Variants in SLC7A2 observed in about 807,000 individuals in gnomAD.
The protein encoded by SLC7A2 is cationic amino acid transporter 2.
In SLC7A2, 48 loss-of-function variants were observed where a neutral mutation model predicts 58.9. That is an observed-to-expected ratio of 0.82 (90% CI 0.65 to 1.04). The LOEUF is 1.04. Ranked by LOEUF, SLC7A2 falls within the 50% of genes least tolerant of loss-of-function variation. SLC7A2 has a pLI of 0.00. For synonymous variants in SLC7A2, 363 were observed against 314.5 expected (o/e 1.15, Z -1.63); for missense variants, 1,029 against 818.8 (o/e 1.26, Z -3.13).
rs755402576 is a variant in SLC7A2, at chr8:17,563,647, C to T, written c.1716C>T (p.Asn572=). 2 of 1,613,590 alleles carry T rather than the reference C, an allele frequency of 1.2e-6. No individual in the cohort carries two copies. Among genetic ancestry groups the T allele is most frequent in the South Asian group, 1.1e-5 (1 of 91,014 alleles). Residue 572 remains asparagine (N), a synonymous_variant, in exon 12 of 13, where the codon AAC becomes AAT. Transcript: ENST00000494857. ...PFLPAFSILV[N]IYLMVQLSAD... ...TGCCAGCGTTCAGCATCTTGGTGAA[C>T]ATTTACTTGATGGTCCAGTTAAGTG... is the stretch of plus-strand genomic sequence containing the variant.
chr8:17,531,492 G>A (rs1260269773), intron 2 of SLC7A2, among the ~76,000 whole-genome samples: 2 of 152,012 alleles, frequency 1.3e-5, no homozygotes, highest in Admixed American at 1.3e-4. Flanking sequence ...GGTGTCTAAT[G>A]CCTTTTATTT....
upstream of SLC7A2, among the ~76,000 whole-genome samples, chr8:17,495,813 G>A (rs181390485): frequency 0.013 from 2,031 of 152,320 alleles, 23 homozygotes; most frequent in Middle Eastern, 0.024. Flanking sequence ...GCGTCCCAAA[G>A]TGCTGGGATT....
At chr8:17,511,031 A>G (rs1295206580) in intron 2 of SLC7A2, 1 of 152,062 alleles carries the variant, frequency 6.6e-6, no homozygotes, top group Non-Finnish European at 1.5e-5. Flanking sequence ...GTTCTCACTC[A>G]TAAGTCGGAG....
intron 2 of SLC7A2, among the ~76,000 whole-genome samples, chr8:17,530,193 C>T (rs930825560): frequency 9.9e-5 from 15 of 152,240 alleles, no homozygotes; most frequent in African/African-American, 1.9e-4. Context: ...CCCCCATCCC[C>T]GGTCCGCCGC....
intron 2 of SLC7A2, among the ~76,000 whole-genome samples, chr8:17,542,657 A>AAAAAAAAAAAAAAAG (rs78569276): frequency 1.3e-5 from 2 of 150,170 alleles, no homozygotes; most frequent in Non-Finnish European, 3.0e-5. Context: ...TCTCAAAAAA[A>AAAAAAAAAAAAAAAG]AAAGAAAAAG....
chr8:17,518,681 C>T (rs1437132706), intron 2 of SLC7A2, among the ~76,000 whole-genome samples: 3 of 152,146 alleles, frequency 2.0e-5, no homozygotes, highest in African/African-American at 7.2e-5. Flanking sequence ...TGCAAAGCTT[C>T]ATTACATTGC....
At chr8:17,520,848 A>G (rs1389738991) in intron 2 of SLC7A2, 1 of 277,048 alleles carries the variant, frequency 3.6e-6, no homozygotes, top group African/African-American at 2.3e-5. Context: ...TTGATTTGTG[A>G]CCACACAATA....
intron 2 of SLC7A2, among the ~76,000 whole-genome samples, chr8:17,528,869 A>G (rs868796301): frequency 3.3e-5 from 5 of 152,144 alleles, no homozygotes; most frequent in African/African-American, 7.2e-5. Flanking sequence ...AAATAAAAGC[A>G]TTGAGAGCTG....
chr8:17,544,626 GTC>G lies in SLC7A2; in HGVS notation c.532+24_532+25del. 6.2e-7 allele frequency: 1 copy of G among 1,610,356 alleles called. No homozygotes were observed. Among genetic ancestry groups the G allele is most frequent in the Non-Finnish European group, 8.5e-7 (1 of 1,177,456 alleles). The stretch of plus-strand genomic sequence containing the variant: ...TAGCAGGTAAGAAAACCAGTTATGA[GTC>G]TCTGCAGAATGAGCCACACTATTTG... On this transcript the variant is annotated intron_variant, in intron 4 of 12. Transcript: ENST00000494857.
In SLC7A2 at chr8:17,552,792, T is replaced by C. The variant is rs953943402; in HGVS notation, c.1055+806T>C. ...AGCTACCCTTATTTCAATTAACATA[T>C]GAGTCAGATATTTCGTTCTAGTTTT... On this transcript the variant is annotated intron_variant, in intron 7 of 12. Transcript: ENST00000494857. 1.1e-4 allele frequency among the ~76,000 whole-genome samples: 17 copies of C among 152,230 alleles called. 2 individuals carry two copies. Among genetic ancestry groups the C allele is most frequent in the Admixed American group, 9.8e-4 (15 of 15,290 alleles).
At chr8:17,534,384 T>G (rs1801577191) in intron 2 of SLC7A2, among the ~76,000 whole-genome samples, 1 of 152,146 alleles carries the variant, frequency 6.6e-6, no homozygotes, top group Non-Finnish European at 1.5e-5. Flanking sequence ...GGATGAGCAG[T>G]TCGGACCCCT....
chr8:17,539,640 TG>T (rs961193937), intron 2 of SLC7A2, among the ~76,000 whole-genome samples: 2 of 152,202 alleles, frequency 1.3e-5, no homozygotes, highest in Admixed American at 1.3e-4. Flanking sequence ...GAGTTTTGTA[TG>T]GGCCACTTCC....
intron 2 of SLC7A2, among the ~76,000 whole-genome samples, chr8:17,513,378 TTTATAA>T (rs970281834): frequency 6.6e-5 from 10 of 152,040 alleles, no homozygotes; most frequent in Non-Finnish European, 1.3e-4. Context: ...CTGAAGGGTT[TTTATAA>T]TTATAAGTTT....
intron 4 of SLC7A2, 76 bp from the exon 5 acceptor site, chr8:17,548,601 TA>T: frequency 9.8e-7 from 1 of 1,021,736 alleles, no homozygotes; most frequent in Non-Finnish European, 1.5e-6. Flanking sequence ...AATAATATCC[TA>T]AAGTCATGTA....
At chr8:17,535,325 A>C (rs1261651649) in intron 2 of SLC7A2, among the ~76,000 whole-genome samples, 1 of 152,118 alleles carries the variant, frequency 6.6e-6, no homozygotes, top group Non-Finnish European at 1.5e-5. Context: ...CTGAGCTTTC[A>C]GATGGCTAAA....
chr8:17,551,865 C>A lies in SLC7A2; in HGVS notation c.934C>A (p.Leu312Ile). The A allele has an allele frequency of 6.2e-7, 1 of 1,613,974 alleles. No individual in the cohort carries two copies. Among genetic ancestry groups the A allele is most frequent in the South Asian group, 1.1e-5 (1 of 91,074 alleles). The change falls in exon 7 of 13, where the codon CTT (leucine) becomes ATT (isoleucine). Residue 312 changes from leucine (L) to isoleucine (I), a missense_variant. Coordinates refer to ENST00000494857, the MANE Select transcript of SLC7A2 (RefSeq NM_001370338.1). ...TTTTGGGGTCTCTGCAGCTTTAACA[C>A]TTATGATGCCGTACTACCTCCTCGA... ...AYFGVSAALTLMMPYYLLDEK... is the reference protein window; with the variant it reads ...AYFGVSAALTIMMPYYLLDEK...
chr8:17,547,501 T>C (rs1308229879), intron 4 of SLC7A2, among the ~76,000 whole-genome samples: 1 of 152,146 alleles, frequency 6.6e-6, no homozygotes, highest in Non-Finnish European at 1.5e-5. Flanking sequence ...AAATAGATAC[T>C]TTAAATTGAG....
chr8:17,540,872 G>A (rs1481217784), intron 2 of SLC7A2, among the ~76,000 whole-genome samples: 1 of 152,092 alleles, frequency 6.6e-6, no homozygotes, highest in Non-Finnish European at 1.5e-5. Context: ...TGTTTTCCTT[G>A]CTTCCTTCCA....
At chr8:17,528,985 A>C (rs1801330691) in intron 2 of SLC7A2, among the ~76,000 whole-genome samples, 1 of 152,076 alleles carries the variant, frequency 6.6e-6, no homozygotes. Context: ...ATGAGAGGGG[A>C]CCAGTTTCCT....
Sources: allele counts gnomAD v4.1 joint callset (sites outside exome capture counted in the v4.1 genomes callset), GRCh38; gene constraint gnomAD v4.1.1; transcripts MANE v1.5; gene names NCBI Gene and HGNC (gene_info 2026-07-23, HGNC 2026-07-21).